MTUS2: variants seen among roughly 807,000 people sequenced by gnomAD.
MTUS2 encodes the protein microtubule associated scaffold protein 2.
Under a neutral mutation model 114.1 loss-of-function variants are expected in MTUS2, and 40 were observed. The observed-to-expected ratio is 0.35, with a 90% confidence interval of 0.27 to 0.46. The LOEUF (loss-of-function observed/expected upper bound fraction) is 0.46. Among genes scored for constraint, MTUS2 ranks in the 20% least tolerant of loss-of-function variants. MTUS2 has a pLI of 1.00. For synonymous variants in MTUS2, 688 were observed against 672.0 expected, an observed-to-expected ratio of 1.02 and a Z score of -0.37; for missense variants, 1,679 against 1,705.4, an observed-to-expected ratio of 0.98 and a Z score of 0.27.
chr13:29,107,923 G>C (rs564402305), intron 5 of MTUS2, among the ~76,000 whole-genome samples: 163 of 152,168 alleles, frequency 1.1e-3, no homozygotes, highest in African/African-American at 3.8e-3. Context: ...TTATTGAATA[G>C]GATTTGGGTT....
chr13:29,276,311 G>A (rs562313171), intron 5 of MTUS2, among the ~76,000 whole-genome samples: 21 of 152,190 alleles, frequency 1.4e-4, no homozygotes, highest in East Asian at 3.9e-4. Context: ...GTAATCATGC[G>A]GAATATATAA....
intron 5 of MTUS2, among the ~76,000 whole-genome samples, chr13:29,141,963 C>A (rs1892240615): frequency 6.6e-6 from 1 of 151,314 alleles, no homozygotes; most frequent in Non-Finnish European, 1.5e-5. Context: ...AGGTTCACAC[C>A]ATTCTACTGC....
chr13:29,030,678 A>G (rs958513904), intron 3 of MTUS2, among the ~76,000 whole-genome samples: 1 of 152,144 alleles, frequency 6.6e-6, no homozygotes, highest in Non-Finnish European at 1.5e-5. Context: ...AAAAGAACAC[A>G]TTTTTGATAA....
chr13:29,063,102 G>A (rs896775019), intron 4 of MTUS2, among the ~76,000 whole-genome samples: 10 of 152,154 alleles, frequency 6.6e-5, no homozygotes, highest in African/African-American at 2.4e-4. Context: ...ACCTAAGATC[G>A]TGTATTTTAA....
At chr13:28,848,641 GTCTT>G (rs1386671886) in intron 2 of MTUS2, among the ~76,000 whole-genome samples, 3 of 151,962 alleles carry the variant, frequency 2.0e-5, no homozygotes, top group Non-Finnish European at 2.9e-5. Context: ...ACTTAGAAGA[GTCTT>G]TCAGTAAACA....
At chr13:29,005,839 G>C (rs1446392659) in intron 2 of MTUS2, among the ~76,000 whole-genome samples, 1 of 152,206 alleles carries the variant, frequency 6.6e-6, no homozygotes, top group African/African-American at 2.4e-5. Context: ...GCTGAACACA[G>C]AATCTGCTCT....
intron 5 of MTUS2, among the ~76,000 whole-genome samples, chr13:29,185,195 C>T (rs553321674): frequency 1.3e-5 from 2 of 151,756 alleles, no homozygotes; most frequent in Non-Finnish European, 2.9e-5. Flanking sequence ...AGAAGAATCA[C>T]GTATATTGAA....
At chr13:29,442,784 G>A (rs1427975159) in intron 9 of MTUS2, among the ~76,000 whole-genome samples, 1 of 152,246 alleles carries the variant, frequency 6.6e-6, no homozygotes. Flanking sequence ...CAGTGGCCGA[G>A]AGACTTGAGC....
intron 10 of MTUS2, among the ~76,000 whole-genome samples, chr13:29,483,099 C>T (rs1566228910): frequency 6.6e-6 from 1 of 152,236 alleles, no homozygotes; most frequent in Non-Finnish European, 1.5e-5. Context: ...GCCTCCTTCT[C>T]AGGGACGGTT....
At chr13:29,010,184 C>T (rs1238104738) in intron 2 of MTUS2, among the ~76,000 whole-genome samples, 2 of 144,340 alleles carry the variant, frequency 1.4e-5, no homozygotes, top group African/African-American at 5.1e-5. Context: ...GCACTCCAGC[C>T]TGGGCGACAG....
At chr13:29,161,490 G>C (rs970870771) in intron 5 of MTUS2, among the ~76,000 whole-genome samples, 2 of 151,694 alleles carry the variant, frequency 1.3e-5, no homozygotes, top group Admixed American at 1.3e-4. Flanking sequence ...AAATTAATTA[G>C]TAATACAATC....
chr13:29,390,883 A>G (rs1873395201), intron 8 of MTUS2, among the ~76,000 whole-genome samples: 2 of 151,440 alleles, frequency 1.3e-5, no homozygotes, highest in Admixed American at 1.3e-4. Context: ...CCCAGGTTCA[A>G]GCAATTCTCC....
intron 2 of MTUS2, among the ~76,000 whole-genome samples, chr13:28,948,773 A>T (rs2138164634): frequency 6.6e-6 from 1 of 152,264 alleles, no homozygotes; most frequent in South Asian, 2.1e-4. Flanking sequence ...GGGGTGGGGA[A>T]AGGAAACAGC....
At chr13:29,047,856 A>G (rs1208840766) in intron 4 of MTUS2, among the ~76,000 whole-genome samples, 2 of 152,144 alleles carry the variant, frequency 1.3e-5, no homozygotes, top group Non-Finnish European at 2.9e-5. Context: ...CCTGGCAACC[A>G]CTAGTCTTTT....
chr13:29,500,448 C>T (rs968807906), intron 14 of MTUS2, among the ~76,000 whole-genome samples: 4 of 152,152 alleles, frequency 2.6e-5, no homozygotes, highest in East Asian at 1.9e-4. Context: ...CTCGAGGACA[C>T]GCTAACAGAG....
chr13:29,412,026 AT>A (rs1326257951), intron 8 of MTUS2, among the ~76,000 whole-genome samples: 1 of 152,202 alleles, frequency 6.6e-6, no homozygotes, highest in Non-Finnish European at 1.5e-5. Flanking sequence ...TTATGTAAAA[AT>A]AGAGACTGTT....
chr13:28,898,580 T>G (rs1425409106), intron 2 of MTUS2, among the ~76,000 whole-genome samples: 1 of 152,210 alleles, frequency 6.6e-6, no homozygotes, highest in Non-Finnish European at 1.5e-5. Context: ...TCAAATAAAA[T>G]AAATGATGTG....
intron 5 of MTUS2, among the ~76,000 whole-genome samples, chr13:29,166,028 A>G (rs1383688966): frequency 6.6e-6 from 1 of 152,134 alleles, no homozygotes; most frequent in Non-Finnish European, 1.5e-5. Context: ...TCCTTGTCGT[A>G]AGGGAATTGT....
intron 5 of MTUS2, among the ~76,000 whole-genome samples, chr13:29,232,312 A>ACT (rs1896361721): frequency 6.7e-6 from 1 of 148,980 alleles, no homozygotes; most frequent in African/African-American, 2.5e-5. Flanking sequence ...GCGCGCACAC[A>ACT]CACACACACA....
Sources: gnomAD v4.1 joint callset for allele counts (sites outside exome capture counted in the v4.1 genomes callset) on GRCh38, gnomAD v4.1.1 for gene constraint, MANE v1.5 for transcripts, NCBI Gene and HGNC (gene_info 2026-07-23, HGNC 2026-07-21) for gene names.